Variants in KCNG4 observed in about 807,000 individuals in gnomAD.
KCNG4 encodes potassium voltage-gated channel modifier subfamily G member 4.
A neutral mutation model predicts 28.2 loss-of-function variants in KCNG4; 30 were observed. The ratio of observed to expected loss-of-function variants is 1.06; its 90% CI spans 0.80 to 1.44. KCNG4 has a LOEUF of 1.44. Ranked by LOEUF, KCNG4 falls within the 40% of genes most tolerant of loss-of-function variation. KCNG4 has a pLI of 0.00. For synonymous variants in KCNG4, 375 were observed against 315.5 expected, an observed-to-expected ratio of 1.19 and a Z score of -2.00; for missense variants, 879 against 712.3, an observed-to-expected ratio of 1.23 and a Z score of -2.66.
chr16:84,232,004 C>CA (rs11298495), intron 2 of KCNG4, among the ~76,000 whole-genome samples: 13,482 of 99,962 alleles, frequency 0.13, 877 homozygotes, highest in South Asian at 0.2. Context: ...AACTCCATCT[C>CA]AAAAAAAAAA....
At chr16:84,232,481 A>G (rs1351091586) in intron 2 of KCNG4, among the ~76,000 whole-genome samples, 1 of 152,226 alleles carries the variant, frequency 6.6e-6, no homozygotes. Flanking sequence ...TGGAATGCTG[A>G]GAAAAAGCTT....
intron 2 of KCNG4, among the ~76,000 whole-genome samples, chr16:84,229,024 C>A (rs1175850920): frequency 6.6e-6 from 1 of 151,790 alleles, no homozygotes; most frequent in African/African-American, 2.4e-5. Flanking sequence ...CTGGGCTGGG[C>A]ATGGTGGCTC....
intron 2 of KCNG4, among the ~76,000 whole-genome samples, chr16:84,234,079 C>G (rs918105650): frequency 6.6e-6 from 1 of 152,136 alleles, no homozygotes; most frequent in Non-Finnish European, 1.5e-5. Context: ...GGGAAGAGTC[C>G]CCCCTGGGAA....
rs1904706165 is a variant in KCNG4, at chr16:84,226,724, CA to C, written c.757-3705del. On this transcript the variant is annotated intron_variant, in intron 2 of 2. Transcript: ENST00000308251. This position sits in a 1 kb window ranked among gnomAD's most constrained non-coding sequence, Gnocchi z 4.1. ...TGAAACCTTGTCGCTACTAAAAATACAAAAATTAGCCAGGCATGGTGACACA... is the reference window on the plus strand; with the variant it reads ...TGAAACCTTGTCGCTACTAAAAATACAAAATTAGCCAGGCATGGTGACACA... Among the ~76,000 whole-genome samples the C allele has an allele frequency of 6.7e-6, 1 of 148,572 alleles. No homozygotes were observed. Among genetic ancestry groups the C allele is most frequent in the African/African-American group, 2.5e-5 (1 of 40,482 alleles).
rs925591267 is a variant in KCNG4 at position 84,237,326 on chromosome 16, G to T, written c.160C>A (p.Pro54Thr). The change falls in exon 2 of 3, where the codon CCA becomes ACA. Residue 54 changes from proline to threonine, a missense_variant. By Grantham distance (38) the Pro-to-Thr change is conservative. Transcript: ENST00000308251. Reference sequence around the variant, plus strand: ...AGGATCTCCTTCTTCAGGTCCACTGGGGAGGCGTCCAGGGCACCCACCTTC... The same window carrying T: ...AGGATCTCCTTCTTCAGGTCCACTGTGGAGGCGTCCAGGGCACCCACCTTC... ...VRKVGALDAS[P>T]VDLKKEILIN... 5.7e-6 allele frequency: 9 copies of T among 1,583,864 alleles called. No individual in the cohort carries two copies. In the African/African-American group the frequency reaches 9.4e-5, roughly 17 times the overall value.
chr16:84,237,174 G>A lies in KCNG4; in HGVS notation c.312C>T (p.Tyr104=), dbSNP rs578004521. The stretch of plus-strand genomic sequence containing the variant: ...AGAAGAACTCCTGGCTGTCCTCGTC[G>A]TAATCATCGCAGAGCTGCACGATCT... ...YEEIVQLCDD[Y]DEDSQEFFFD... is the part of the protein sequence containing the mutation. The change falls in exon 2 of 3, where the codon TAC becomes TAT. Residue 104 remains tyrosine (Y), a synonymous_variant. Coordinates refer to ENST00000308251, the MANE Select transcript of KCNG4 (RefSeq NM_172347.3). 5.6e-6 allele frequency: 9 copies of A among 1,614,140 alleles called. No homozygotes were observed. The highest frequency in any genetic ancestry group is 1.6e-4 in the Middle Eastern group (1 of 6,062).
rs39553 is a variant in KCNG4 at position 84,220,681 on chromosome 16, A to G, written c.*1536T>C. On this transcript the variant is annotated 3_prime_UTR_variant, in exon 3 of 3. Transcript: ENST00000308251. Reference sequence around the variant, plus strand: ...GTCCTAGAGCCAACAGCAAACTCCTATGTGGGCCATGCCACTCTGGGGAAG... The same window carrying G: ...GTCCTAGAGCCAACAGCAAACTCCTGTGTGGGCCATGCCACTCTGGGGAAG... 0.67 allele frequency: 101,478 copies of G among 152,200 alleles called. 35,288 individuals are homozygous for G. Among genetic ancestry groups the G allele is most frequent in the African/African-American group, 0.87 (36,301 of 41,530 alleles). 9.4% of individuals were successfully genotyped at this position (152,200 alleles called of 1,614,324 possible). A position where few individuals can be genotyped will look rare whatever the true frequency, so the allele number is the denominator to read the frequency against.
In KCNG4 at chr16:84,237,479, T is replaced by A. The variant is rs1254861170; in HGVS notation, c.7A>T (p.Met3Leu). Reference sequence around the variant, plus strand: ...TGCAGGCCCCCGTCTCTGGAAGGCATGGGCATTGCTGAAGACCACCAGGTA... The same window carrying A: ...TGCAGGCCCCCGTCTCTGGAAGGCAAGGGCATTGCTGAAGACCACCAGGTA... MP[M>L]PSRDGGLHPR... The change falls in exon 2 of 3, where the codon ATG becomes TTG. Residue 3 changes from methionine to leucine, a missense_variant. Coordinates refer to ENST00000308251, the MANE Select transcript of KCNG4 (RefSeq NM_172347.3). The A allele has an allele frequency of 6.7e-7, 1 of 1,494,990 alleles. No individual in the cohort carries two copies. Among genetic ancestry groups the A allele is most frequent in the East Asian group, 2.3e-5 (1 of 43,116 alleles). 92.6% of individuals were successfully genotyped at this position (1,494,990 alleles called of 1,614,324 possible).
intron 1 of KCNG4, among the ~76,000 whole-genome samples, chr16:84,238,225 A>T (rs978114192): frequency 6.6e-6 from 1 of 152,202 alleles, no homozygotes; most frequent in African/African-American, 2.4e-5. Flanking sequence ...CACTTTATAG[A>T]TAAGGAGGCT....
At chr16:84,228,611 C>A (rs1904750985) in intron 2 of KCNG4, among the ~76,000 whole-genome samples, 1 of 152,184 alleles carries the variant, frequency 6.6e-6, no homozygotes, top group African/African-American at 2.4e-5. Flanking sequence ...CCCCGCCACC[C>A]CCCCGCCCAC....
intron 1 of KCNG4, among the ~76,000 whole-genome samples, chr16:84,238,301 C>T (rs1228462049): frequency 2.6e-5 from 4 of 152,102 alleles, no homozygotes; most frequent in South Asian, 2.1e-4. Flanking sequence ...GAAGGTTCAG[C>T]GAGGGTCTGT....
chr16:84,221,510 A>AGGTCCCAGCTCG lies in KCNG4; in HGVS notation c.*706_*707insCGAGCTGGGACC, dbSNP rs59521089. 3.3e-5 allele frequency: 5 copies of AGGTCCCAGCTCG among 151,688 alleles called. No homozygotes were observed. The highest frequency in any genetic ancestry group is 1.2e-4 in the African/African-American group (5 of 41,168). 9.4% of individuals were successfully genotyped at this position (151,688 alleles called of 1,614,324 possible). ...GGTCCCAGGTCCCAGGTCCCAGGTC[A>AGGTCCCAGCTCG]CAGATCCCAGGCATGCCTGGGGATG... On this transcript the variant is annotated 3_prime_UTR_variant, in exon 3 of 3. Transcript: ENST00000308251.
In KCNG4 at chr16:84,219,344, T is replaced by A. The variant is rs1320638474; in HGVS notation, c.*2873A>T. ...TCACACAGGGAGTGAAGACACTGGGTTTCAGCCAGCGCCCAAGCCAGTCAG... is the reference window on the plus strand; with the variant it reads ...TCACACAGGGAGTGAAGACACTGGGATTCAGCCAGCGCCCAAGCCAGTCAG... On this transcript the variant is annotated 3_prime_UTR_variant, in exon 3 of 3. Coordinates refer to ENST00000308251, the MANE Select transcript of KCNG4 (RefSeq NM_172347.3). The A allele has an allele frequency of 3.3e-5, 5 of 152,330 alleles. No homozygotes were observed. The highest frequency in any genetic ancestry group is 5.9e-5 in the Non-Finnish European group (4 of 68,102). 9.4% of individuals were successfully genotyped at this position (152,330 alleles called of 1,614,324 possible).
At position 84,230,074 on chromosome 16, in the gene KCNG4, G is replaced by A. The variant is rs114255914; in HGVS notation, c.756+6656C>T. ...CCCAAAAGGTGAGCTGCATCCCGGG[G>A]AGGAGGCCCCAAGAGTCCCGCCTGG... On this transcript the variant is annotated intron_variant, in intron 2 of 2. Transcript: ENST00000308251. 7.1e-3 allele frequency among the ~76,000 whole-genome samples: 1,078 copies of A among 152,098 alleles called. 13 individuals carry two copies. Among genetic ancestry groups the A allele is most frequent in the African/African-American group, 0.024 (983 of 41,482 alleles).
chr16:84,223,143 T>C, intron 2 of KCNG4, 123 bp from the exon 3 acceptor site: 1 of 748,686 alleles, frequency 1.3e-6, no homozygotes, highest in Non-Finnish European at 2.1e-6. Context: ...CAGAACCTCC[T>C]TTTACACAGT....
chr16:84,233,497 G>A (rs1161127115), intron 2 of KCNG4, among the ~76,000 whole-genome samples: 3 of 152,170 alleles, frequency 2.0e-5, no homozygotes, highest in Non-Finnish European at 4.4e-5. Context: ...GAACTCAGGA[G>A]TTTGAGACCA....
rs1904548165 is a variant in KCNG4, at chr16:84,221,224, C to A, written c.*993G>T. The A allele has an allele frequency of 6.6e-6, 1 of 152,292 alleles. No individual in the cohort carries two copies. Among genetic ancestry groups the A allele is most frequent in the African/African-American group, 2.4e-5 (1 of 41,462 alleles). The allele number at this position is 152,292 out of a possible 1,614,324, so 9.4% of individuals were successfully genotyped here. Reference sequence around the variant, plus strand: ...GGAGATGACTAGTCTGGGAAGCCAGCAAGGGACAGCACCTACAATTCCCCT... The same window carrying A: ...GGAGATGACTAGTCTGGGAAGCCAGAAAGGGACAGCACCTACAATTCCCCT... On this transcript the variant is annotated 3_prime_UTR_variant, in exon 3 of 3. Transcript: ENST00000308251.
Position 84,222,412 on chromosome 16 carries a change from G to T in KCNG4, c.1365C>A (p.His455Gln). 1.2e-6 allele frequency: 2 copies of T among 1,614,198 alleles called. No individual in the cohort carries two copies. Among genetic ancestry groups the T allele is most frequent in the Non-Finnish European group, 1.7e-6 (2 of 1,180,032 alleles). Reference protein sequence around the residue: ...IMAFPATSIFHTFSHSYLELK... With the variant: ...IMAFPATSIFQTFSHSYLELK... ...GCTCCAGGTAGGAGTGGGAGAAGGTGTGGAAGATAGACGTGGCCGGGAAGG... is the reference window on the plus strand; with the variant it reads ...GCTCCAGGTAGGAGTGGGAGAAGGTTTGGAAGATAGACGTGGCCGGGAAGG... Residue 455 changes from histidine to glutamine, a missense_variant, in exon 3 of 3, where the codon CAC (histidine) becomes CAA (glutamine). Physicochemically the swap from His to Gln is conservative, Grantham distance 24 (BLOSUM62 0). Transcript: ENST00000308251.
At chr16:84,234,402 C>G (rs1406818198) in intron 2 of KCNG4, among the ~76,000 whole-genome samples, 1 of 152,006 alleles carries the variant, frequency 6.6e-6, no homozygotes, top group Non-Finnish European at 1.5e-5. Flanking sequence ...TGATCTCAAA[C>G]TCCTGACCTC....
Sources: gnomAD v4.1 joint callset for allele counts (sites outside exome capture counted in the v4.1 genomes callset) on GRCh38, gnomAD v4.1.1 for gene constraint, Gnocchi (gnomAD v3.1) non-coding constraint, MANE v1.5 for transcripts, NCBI Gene and HGNC (gene_info 2026-07-23, HGNC 2026-07-21) for gene names.